Variants in ZNF512 observed in about 807,000 individuals in gnomAD.
ZNF512 encodes the protein zinc finger protein 512.
Under a neutral mutation model 77.5 loss-of-function variants are expected in ZNF512, and 25 were observed. That is an observed-to-expected ratio of 0.32 (90% CI 0.23 to 0.45). The LOEUF (loss-of-function observed/expected upper bound fraction) is 0.45. ZNF512 is among the 20% of genes least tolerant of loss of function. The pLI is 1.00. For missense variants in ZNF512, 483 were observed against 692.6 expected (o/e 0.70, Z 3.40); for synonymous variants, 246 against 239.9 (o/e 1.03, Z -0.24).
intron 3 of ZNF512, among the ~76,000 whole-genome samples, chr2:27,598,824 C>T (rs1450527686): frequency 6.7e-6 from 1 of 149,012 alleles, no homozygotes; most frequent in Non-Finnish European, 1.5e-5. Context: ...TATTTGAATT[C>T]CCCTTTTCTT....
At chr2:27,588,077 G>A (rs1446577001) in intron 2 of ZNF512, among the ~76,000 whole-genome samples, 4 of 151,932 alleles carry the variant, frequency 2.6e-5, no homozygotes, top group Non-Finnish European at 5.9e-5. Flanking sequence ...TTATTGAATT[G>A]TGGTATTTAA....
intron 2 of ZNF512, among the ~76,000 whole-genome samples, chr2:27,583,996 C>T (rs1454134278): frequency 6.6e-6 from 1 of 152,148 alleles, no homozygotes; most frequent in Admixed American, 6.5e-5. Context: ...TGTATCTGCA[C>T]TGTCTAGTAT....
chr2:27,590,433 A>G (rs984586647), intron 2 of ZNF512, among the ~76,000 whole-genome samples: 7 of 152,118 alleles, frequency 4.6e-5, no homozygotes, highest in African/African-American at 1.7e-4. Flanking sequence ...CAATCTATAG[A>G]TGTCTTTATA....
rs147285285 is a variant in ZNF512 at position 27,597,034 on chromosome 2, C to T, written c.90-1033C>T. On this transcript the variant is annotated intron_variant, in intron 2 of 13. Coordinates refer to ENST00000355467, the MANE Select transcript of ZNF512 (RefSeq NM_032434.4). ...CAACAATATACTTTTTAGTTATGGT[C>T]GTGTCTCTATGTGTAGAATTAGTTT... 2.5e-3 allele frequency among the ~76,000 whole-genome samples: 374 copies of T among 152,254 alleles called. 6 individuals carry two copies. The highest frequency in any genetic ancestry group is 8.3e-3 in the African/African-American group (345 of 41,526).
intron 10 of ZNF512, among the ~76,000 whole-genome samples, chr2:27,611,182 C>T (rs13408548): frequency 0.017 from 2,564 of 152,228 alleles, 60 homozygotes; most frequent in African/African-American, 0.058. Context: ...ATGCTCTTCA[C>T]CTAGCTTCTC....
At chr2:27,603,030 A>C in intron 8 of ZNF512, 110 bp from the exon 9 acceptor site, 2 of 1,258,230 alleles carry the variant, frequency 1.6e-6, no homozygotes, top group Non-Finnish European at 2.2e-6. Flanking sequence ...TACTGAAATC[A>C]GAGGGTCTAT....
chr2:27,599,834 C>A, intron 4 of ZNF512, 136 bp from the exon 5 acceptor site: 1 of 1,184,718 alleles, frequency 8.4e-7, no homozygotes, highest in South Asian at 1.3e-5. Flanking sequence ...CTCATTATAC[C>A]CTTTCATTCT....
rs536272669 is a variant in ZNF512, at chr2:27,622,563, A to C, written c.*1102A>C. Reference sequence around the variant, plus strand: ...ATATTTATCTGGAGCTGGAAAGAAAAATTCTTTTTCTGTACCTCATGCCTA... The same window carrying C: ...ATATTTATCTGGAGCTGGAAAGAAACATTCTTTTTCTGTACCTCATGCCTA... On this transcript the variant is annotated 3_prime_UTR_variant, in exon 14 of 14. Transcript: ENST00000355467. The C allele has an allele frequency of 6.5e-6, 1 of 152,832 alleles. No individual in the cohort carries two copies. The highest frequency in any genetic ancestry group is 6.5e-5 in the Admixed American group (1 of 15,300). 9.5% of individuals were successfully genotyped at this position (152,832 alleles called of 1,614,324 possible).
Position 27,603,202 on chromosome 2 carries a change from AG to A in ZNF512, c.835del (p.Ala279LeufsTer7). On this transcript the variant is annotated frameshift_variant, in exon 9 of 14. Transcript: ENST00000355467. LOFTEE classifies it high-confidence loss of function. The stretch of plus-strand genomic sequence containing the variant: ...TCTACCATGTCAGAAAATGTGGCAA[AG>A]GGGCTGCAGAGCTGGAAAAGATGAC... ...YLYHVRKCGK[G>X]AAELEKMTLK... 1 of 1,614,202 alleles carries A rather than the reference AG, an allele frequency of 6.2e-7. No homozygotes were observed. Among genetic ancestry groups the A allele is most frequent in the Non-Finnish European group, 8.5e-7 (1 of 1,180,036 alleles).
At chr2:27,610,544 G>GTGTGTGTATATATATATA (rs1413007886) in intron 10 of ZNF512, among the ~76,000 whole-genome samples, 3 of 32,654 alleles carry the variant, frequency 9.2e-5, no homozygotes, top group South Asian at 1.7e-3. Context: ...ATATGTGTGT[G>GTGTGTGTATATATATATA]TATATATATA....
intron 10 of ZNF512, among the ~76,000 whole-genome samples, chr2:27,611,748 A>T (rs13405762): frequency 3.4e-5 from 5 of 146,864 alleles, no homozygotes; most frequent in African/African-American, 1.3e-4. Context: ...CCCAGGCTGG[A>T]GTGCATTGGC....
chr2:27,617,971 C>T (rs971019223), intron 13 of ZNF512, among the ~76,000 whole-genome samples: 10 of 135,948 alleles, frequency 7.4e-5, no homozygotes, highest in Admixed American at 2.5e-4. Context: ...TTTTTTTAGA[C>T]GGAGTCTCGC....
At chr2:27,587,426 AT>A (rs1476162054) in intron 2 of ZNF512, among the ~76,000 whole-genome samples, 1 of 151,618 alleles carries the variant, frequency 6.6e-6, no homozygotes, top group Non-Finnish European at 1.5e-5. Context: ...ACCGGTGTGC[AT>A]CACCACGCCT....
chr2:27,586,213 C>CG (rs1350908456), intron 2 of ZNF512, among the ~76,000 whole-genome samples: 5 of 103,554 alleles, frequency 4.8e-5, no homozygotes, highest in Admixed American at 2.2e-4. Context: ...ACCATCAAGT[C>CG]TTTGTTGTTG....
Position 27,607,941 on chromosome 2 carries a change from A to G in ZNF512, c.1033A>G (p.Ile345Val), listed in dbSNP as rs772292641. ...CCGAGTTCAGAGACGTTCTGCCAAG[A>G]TAGCTGTATACCACCTACAGGAGCT... is the stretch of plus-strand genomic sequence containing the variant. ...GGRVQRRSAK[I>V]AVYHLQELAS... Residue 345 changes from isoleucine to valine, a missense_variant, in exon 10 of 14, where the codon ATA becomes GTA. Physicochemically the swap from Ile to Val is conservative, Grantham distance 29. This residue lies in a region of ZNF512 where 324 missense variants were observed against 525.0 expected (regional missense o/e 0.62). Coordinates refer to ENST00000355467, the MANE Select transcript of ZNF512 (RefSeq NM_032434.4). The G allele has an allele frequency of 1.9e-6, 3 of 1,614,144 alleles. No individual in the cohort carries two copies. In the Admixed American group the frequency reaches 5.0e-5, roughly 27 times the overall value.
intron 10 of ZNF512, among the ~76,000 whole-genome samples, chr2:27,610,581 T>TACAC (rs1558474954): frequency 1.9e-5 from 1 of 51,484 alleles, no homozygotes; most frequent in Non-Finnish European, 3.6e-5. Flanking sequence ...TTTTTTTTTT[T>TACAC]TTTTTTTTTT....
intron 10 of ZNF512, among the ~76,000 whole-genome samples, chr2:27,613,189 C>T (rs891335346): frequency 3.3e-5 from 5 of 151,826 alleles, no homozygotes; most frequent in Admixed American, 3.3e-4. Flanking sequence ...TGATACTCTG[C>T]TTTATTTCAC....
At chr2:27,605,948 T>C (rs1170778785) in intron 9 of ZNF512, among the ~76,000 whole-genome samples, 1 of 152,260 alleles carries the variant, frequency 6.6e-6, no homozygotes, top group Admixed American at 6.5e-5. Flanking sequence ...GCACTCCAGT[T>C]GCTTTGCATC....
At chr2:27,591,248 A>G (rs1407314596) in intron 2 of ZNF512, among the ~76,000 whole-genome samples, 1 of 152,050 alleles carries the variant, frequency 6.6e-6, no homozygotes, top group Admixed American at 6.5e-5. Flanking sequence ...GTACATAGTA[A>G]GGATATATAT....
Sources: allele counts gnomAD v4.1 joint callset (sites outside exome capture counted in the v4.1 genomes callset), GRCh38; gene constraint gnomAD v4.1.1; regional missense constraint gnomAD v4.1.1; transcripts MANE v1.5; gene names NCBI Gene and HGNC (gene_info 2026-07-23, HGNC 2026-07-21).